WNT3A: variants seen among roughly 807,000 people sequenced by gnomAD.
WNT3A encodes the protein protein Wnt-3a.
WNT3A carries 17 observed loss-of-function variants against 37.0 expected under a neutral mutation model. The observed-to-expected ratio is 0.46, with a 90% CI of 0.31 to 0.69. WNT3A has a LOEUF of 0.69. Among genes scored for constraint, WNT3A ranks in the 30% least tolerant of loss-of-function variants. The pLI is 0.05. For missense variants in WNT3A, 411 were observed against 510.2 expected, an observed-to-expected ratio of 0.81 and a Z score of 1.87; for synonymous variants, 187 against 211.0, an observed-to-expected ratio of 0.89 and a Z score of 0.99.
At position 228,050,878 on chromosome 1, in the gene WNT3A, C is replaced by G. The variant is rs753339916; in HGVS notation, c.536C>G (p.Ala179Gly). 6.3e-7 allele frequency: 1 copy of G among 1,577,628 alleles called. No individual in the cohort carries two copies. The highest frequency in any genetic ancestry group is 1.1e-5 in the South Asian group (1 of 87,524). ...FADARENRPD[A>G]RSAMNRHNNE... ...GACGCCCGGGAGAACCGGCCAGATG[C>G]CCGCTCAGCCATGAACCGCCACAAC... The change falls in exon 3 of 4, where the codon GCC becomes GGC. Residue 179 changes from alanine (A) to glycine (G), a missense_variant. By Grantham distance (60) the Ala-to-Gly change is moderately conservative. Coordinates refer to ENST00000284523, the MANE Select transcript of WNT3A (RefSeq NM_033131.4). The surrounding 1 kb of genome is among the most constrained non-coding windows in gnomAD (Gnocchi z 5.0).
chr1:228,060,200 A>C lies in WNT3A; in HGVS notation c.*735A>C. ...CTCCTGATTAAGGCGTGGCTTCTGC[A>C]GGAATCCCGGCTCCAGAGCAGGAAA... On this transcript the variant is annotated 3_prime_UTR_variant, in exon 4 of 4. Transcript: ENST00000284523. The C allele has an allele frequency of 7.4e-7, 1 of 1,351,712 alleles. No homozygotes were observed. Among genetic ancestry groups the C allele is most frequent in the Non-Finnish European group, 9.8e-7 (1 of 1,021,508 alleles). The allele number at this position is 1,351,712 out of a possible 1,614,324, so 83.7% of individuals were successfully genotyped here.
intron 1 of WNT3A, among the ~76,000 whole-genome samples, chr1:228,022,081 T>C (rs746744343): frequency 1.3e-5 from 2 of 152,182 alleles, no homozygotes; most frequent in Non-Finnish European, 2.9e-5. Context: ...ATAGATGATA[T>C]CAAAACATCT....
intron 1 of WNT3A, among the ~76,000 whole-genome samples, chr1:228,015,793 C>T (rs1161040998): frequency 6.7e-6 from 1 of 150,208 alleles, no homozygotes; most frequent in Non-Finnish European, 1.5e-5. Context: ...TGACCAGACA[C>T]TTGTTTGCAT....
intron 2 of WNT3A, among the ~76,000 whole-genome samples, chr1:228,045,527 C>G (rs1004412709): frequency 2.0e-5 from 3 of 152,128 alleles, no homozygotes; most frequent in Non-Finnish European, 4.4e-5. Flanking sequence ...GACCTGAGTC[C>G]TTTAAAGACA....
intron 1 of WNT3A, among the ~76,000 whole-genome samples, chr1:228,018,158 A>G (rs2030586767): frequency 6.6e-6 from 1 of 152,070 alleles, no homozygotes; most frequent in Non-Finnish European, 1.5e-5. Flanking sequence ...CGGGGTTCTC[A>G]TTCACTCTCC....
chr1:228,007,154 T>C lies in WNT3A; in HGVS notation c.26T>C (p.Leu9Pro). Residue 9 changes from leucine (L) to proline (P), a missense_variant, in exon 1 of 4, where the codon CTC becomes CCC. Coordinates refer to ENST00000284523, the MANE Select transcript of WNT3A (RefSeq NM_033131.4). This position sits in a 1 kb window ranked among gnomAD's most constrained non-coding sequence, Gnocchi z 6.0. MAPLGYFL[L>P]LCSLKQALGS... ...ATGGCCCCACTCGGATACTTCTTAC[T>C]CCTCTGCAGCCTGAAGCAGGCTCTG... is the stretch of plus-strand genomic sequence containing the variant. 1 of 1,600,524 alleles carries C rather than the reference T, an allele frequency of 6.2e-7. No individual in the cohort carries two copies. The highest frequency in any genetic ancestry group is 8.5e-7 in the Non-Finnish European group (1 of 1,173,758).
intron 1 of WNT3A, among the ~76,000 whole-genome samples, chr1:228,022,222 G>T (rs1191684457): frequency 1.3e-5 from 2 of 152,188 alleles, no homozygotes; most frequent in Non-Finnish European, 2.9e-5. Context: ...ACTTTGGGAG[G>T]CTCTAGCGAG....
chr1:228,049,492 C>G (rs1248487058), intron 2 of WNT3A, among the ~76,000 whole-genome samples: 3 of 152,186 alleles, frequency 2.0e-5, no homozygotes, highest in Non-Finnish European at 4.4e-5. Flanking sequence ...CATTTGCTTA[C>G]AAGTCTTTGC....
chr1:228,014,975 T>C (rs1190416647), intron 1 of WNT3A, among the ~76,000 whole-genome samples: 1 of 152,192 alleles, frequency 6.6e-6, no homozygotes, highest in Non-Finnish European at 1.5e-5. Context: ...TGAGTGAATA[T>C]GACAGCCTCC....
chr1:228,057,570 G>T (rs779231280), intron 3 of WNT3A, among the ~76,000 whole-genome samples: 7 of 152,178 alleles, frequency 4.6e-5, no homozygotes, highest in Non-Finnish European at 7.3e-5. Context: ...CGAGGGATAT[G>T]TTACTCTACA....
chr1:228,037,127 G>C lies in WNT3A; in HGVS notation c.314-13529G>C, dbSNP rs533003326. Among the ~76,000 whole-genome samples, 43 of 152,114 alleles carry C rather than the reference G, an allele frequency of 2.8e-4. No individual in the cohort carries two copies. Among genetic ancestry groups the C allele is most frequent in the Non-Finnish European group, 5.1e-4 (35 of 67,988 alleles). On this transcript the variant is annotated intron_variant, in intron 2 of 3. Transcript: ENST00000284523. The surrounding 1 kb of genome is among the most constrained non-coding windows in gnomAD (Gnocchi z 4.1). ...AGTGTGCTTCCCACAACTCCCAGTGGACACTTCCCAGAGCCCTGGGGTTTG... is the reference window on the plus strand; with the variant it reads ...AGTGTGCTTCCCACAACTCCCAGTGCACACTTCCCAGAGCCCTGGGGTTTG...
At chr1:228,056,587 G>A (rs987769761) in intron 3 of WNT3A, among the ~76,000 whole-genome samples, 1 of 152,172 alleles carries the variant, frequency 6.6e-6, no homozygotes, top group Admixed American at 6.6e-5. Context: ...GTCCAAGAAA[G>A]ACAATGACAA....
intron 2 of WNT3A, among the ~76,000 whole-genome samples, chr1:228,040,228 T>C (rs997034636): frequency 2.0e-5 from 3 of 152,196 alleles, no homozygotes; most frequent in African/African-American, 4.8e-5. Context: ...CTCACTGCTG[T>C]GCAGCCTGGG....
intron 3 of WNT3A, among the ~76,000 whole-genome samples, chr1:228,051,842 C>T (rs919730563): frequency 1.3e-5 from 2 of 152,144 alleles, no homozygotes; most frequent in Admixed American, 6.5e-5. Flanking sequence ...GTAGCAGGCA[C>T]GTCACATGGG....
In WNT3A at chr1:228,007,480, G is replaced by C. The variant is rs2030232912; in HGVS notation, c.71+281G>C. Among the ~76,000 whole-genome samples the C allele has an allele frequency of 6.6e-6, 1 of 152,186 alleles. No individual in the cohort carries two copies. The highest frequency in any genetic ancestry group is 1.5e-5 in the Non-Finnish European group (1 of 68,028). ...CCCCTGGCGTCGGACAGGGCGAGCAGTGGGCTGGGGAGAGGCTGAAAGAAG... is the reference window on the plus strand; with the variant it reads ...CCCCTGGCGTCGGACAGGGCGAGCACTGGGCTGGGGAGAGGCTGAAAGAAG... On this transcript the variant is annotated intron_variant, in intron 1 of 3. Transcript: ENST00000284523. The surrounding 1 kb of genome is among the most constrained non-coding windows in gnomAD (Gnocchi z 6.0).
At chr1:228,021,678 A>T (rs2102764771) in intron 1 of WNT3A, among the ~76,000 whole-genome samples, 1 of 152,318 alleles carries the variant, frequency 6.6e-6, no homozygotes, top group South Asian at 2.1e-4. Context: ...ACGTGTTTAC[A>T]TCTAGGGGTA....
In WNT3A at chr1:228,055,820, T is replaced by C. The variant is rs145129846; in HGVS notation, c.580-3166T>C. Among the ~76,000 whole-genome samples, 625 of 152,278 alleles carry C rather than the reference T, an allele frequency of 4.1e-3. 7 individuals are homozygous for C. The highest frequency in any genetic ancestry group is 0.014 in the African/African-American group (574 of 41,540). ...CCCACTCACTCCACTACCCAACTCT[T>C]TGTAGCCAGGCAGCAGCCTCTCCTT... On this transcript the variant is annotated intron_variant, in intron 3 of 3. Coordinates refer to ENST00000284523, the MANE Select transcript of WNT3A (RefSeq NM_033131.4).
chr1:228,015,753 G>A (rs2030512662), intron 1 of WNT3A, among the ~76,000 whole-genome samples: 1 of 143,250 alleles, frequency 7.0e-6, no homozygotes, highest in Non-Finnish European at 1.5e-5. Context: ...TTCCTTGTGT[G>A]AGTGATCCTC....
rs113498050 is a variant in WNT3A at position 228,042,468 on chromosome 1, T to C, written c.314-8188T>C. 3.9e-4 allele frequency among the ~76,000 whole-genome samples: 59 copies of C among 150,048 alleles called. No homozygotes were observed. Among genetic ancestry groups the C allele is most frequent in the African/African-American group, 1.3e-3 (53 of 40,826 alleles). On this transcript the variant is annotated intron_variant, in intron 2 of 3. Coordinates refer to ENST00000284523, the MANE Select transcript of WNT3A (RefSeq NM_033131.4). This position sits in a 1 kb window ranked among gnomAD's most constrained non-coding sequence, Gnocchi z 5.2. ...TGATGGGTGGATGATGGATGAATGG[T>C]GATGGATGAATGGTGATGGATGGAT...
Sources: gnomAD v4.1 joint callset for allele counts (sites outside exome capture counted in the v4.1 genomes callset) on GRCh38, gnomAD v4.1.1 for gene constraint, Gnocchi (gnomAD v3.1) non-coding constraint, MANE v1.5 for transcripts, NCBI Gene and HGNC (gene_info 2026-07-23, HGNC 2026-07-21) for gene names.